Variants in TNRC6B observed in about 807,000 individuals in gnomAD.
TNRC6B encodes trinucleotide repeat containing adaptor 6B, also known as trinucleotide repeat-containing gene 6B protein.
Under a neutral mutation model 203.6 loss-of-function variants are expected in TNRC6B, and 52 were observed. The ratio of observed to expected loss-of-function variants is 0.26; its 90% CI spans 0.20 to 0.32. The LOEUF is 0.32. TNRC6B is among the 10% of genes least tolerant of loss of function. The probability of loss-of-function intolerance (pLI) is 1.00; values close to 1 mark genes in which losing one functional copy is unlikely to be tolerated. For missense variants in TNRC6B, 1,923 were observed against 2,286.2 expected, an observed-to-expected ratio of 0.84 and a Z score of 3.24; for synonymous variants, 838 against 845.7, an observed-to-expected ratio of 0.99 and a Z score of 0.16.
At position 40,265,415 on chromosome 22, in the gene TNRC6B, C is replaced by T. The variant is rs1331711695; in HGVS notation, c.1185C>T (p.Pro395=). 1 of 1,614,050 alleles carries T rather than the reference C, an allele frequency of 6.2e-7. No homozygotes were observed. Among genetic ancestry groups the T allele is most frequent in the Non-Finnish European group, 8.5e-7 (1 of 1,179,898 alleles). Residue 395 remains proline, a synonymous_variant, in exon 5 of 23, where the codon CCC becomes CCT. Coordinates refer to ENST00000454349, the MANE Select transcript of TNRC6B (RefSeq NM_001162501.2). Reference sequence around the variant, plus strand: ...ACCCCATGGAGAATAAGGGAATGCCCTTTGGAATGGGCTTGGGGAACACCT... The same window carrying T: ...ACCCCATGGAGAATAAGGGAATGCCTTTTGGAATGGGCTTGGGGAACACCT... ...SPNPMENKGM[P]FGMGLGNTSR...
At chr22:40,279,519 A>G (rs2070696483) in intron 9 of TNRC6B, among the ~76,000 whole-genome samples, 1 of 152,214 alleles carries the variant, frequency 6.6e-6, no homozygotes, top group African/African-American at 2.4e-5. Flanking sequence ...TTTTAGGGCA[A>G]CCACTGTGCC....
At chr22:40,072,861 CAAAAAAAA>C (rs767881898) in intron 1 of TNRC6B, among the ~76,000 whole-genome samples, 2 of 46,518 alleles carry the variant, frequency 4.3e-5, no homozygotes, top group African/African-American at 1.2e-4. Flanking sequence ...GAGATTCTCT[CAAAAAAAA>C]AAAAAAAAAA....
intron 1 of TNRC6B, among the ~76,000 whole-genome samples, chr22:40,239,678 G>T (rs1000862155): frequency 6.6e-6 from 1 of 152,180 alleles, no homozygotes; most frequent in African/African-American, 2.4e-5. Context: ...CTTTCCCTTT[G>T]CATGGTCTCG....
chr22:40,196,511 G>C (rs947198900), intron 1 of TNRC6B, among the ~76,000 whole-genome samples: 4 of 152,048 alleles, frequency 2.6e-5, no homozygotes, highest in Non-Finnish European at 1.5e-5. Context: ...GGACTTGTTG[G>C]CACCTTTATT....
chr22:40,190,795 C>T (rs1306189704), intron 1 of TNRC6B, among the ~76,000 whole-genome samples: 1 of 152,192 alleles, frequency 6.6e-6, no homozygotes, highest in African/African-American at 2.4e-5. Flanking sequence ...TTATGGTTAG[C>T]TGTGTCGGGT....
At chr22:40,050,446 TAAGGC>T (rs2067735229) in intron 1 of TNRC6B, among the ~76,000 whole-genome samples, 1 of 152,158 alleles carries the variant, frequency 6.6e-6, no homozygotes. Context: ...TTTCCGGCCT[TAAGGC>T]TTTTGTTTTT....
intron 1 of TNRC6B, among the ~76,000 whole-genome samples, chr22:40,242,179 A>AGT (rs58498001): frequency 0.3 from 45,510 of 149,304 alleles, 6,832 homozygotes; most frequent in South Asian, 0.36. Flanking sequence ...AGGGAATAAG[A>AGT]GTGTGTGTGT....
chr22:40,290,171 C>T (rs1040549100), intron 12 of TNRC6B, among the ~76,000 whole-genome samples: 5 of 152,318 alleles, frequency 3.3e-5, no homozygotes, highest in Middle Eastern at 3.4e-3. Flanking sequence ...GTGTGATAGC[C>T]GTCAGCCACA....
Position 40,262,071 on chromosome 22 carries a change from G to T in TNRC6B, c.355G>T (p.Gly119Trp). ...QPPPPSCMLL[G>W]GGAGPPPCTA... is the part of the protein sequence containing the mutation. The stretch of plus-strand genomic sequence containing the variant: ...CCCTCCACCGTCCTGCATGCTCCTT[G>T]GGGGTGGGGCAGGGCCTCCTCCCTG... Residue 119 changes from glycine to tryptophan, a missense_variant, in exon 4 of 23, where the codon GGG becomes TGG. Gly to Trp is a radical substitution (Grantham distance 184, BLOSUM62 -2). Transcript: ENST00000454349. The T allele has an allele frequency of 6.3e-7, 1 of 1,580,786 alleles. No homozygotes were observed. The highest frequency in any genetic ancestry group is 8.6e-7 in the Non-Finnish European group (1 of 1,156,490).
chr22:40,143,290 G>T (rs1468503803), intron 3 of TNRC6B, among the ~76,000 whole-genome samples: 1 of 152,034 alleles, frequency 6.6e-6, no homozygotes, highest in East Asian at 1.9e-4. Context: ...AAAATTAGTT[G>T]GGTGTGGTGA....
intron 1 of TNRC6B, among the ~76,000 whole-genome samples, chr22:40,098,341 C>T (rs1172922092): frequency 6.5e-5 from 9 of 139,428 alleles, no homozygotes; most frequent in East Asian, 2.1e-4. Context: ...GCCAAAACTG[C>T]GCCATTGCAC....
At chr22:40,106,829 C>T in intron 1 of TNRC6B, 1 of 1,140,806 alleles carries the variant, frequency 8.8e-7, no homozygotes, top group Non-Finnish European at 1.3e-6. Context: ...ATAGAAGTTG[C>T]CAGCTTTTCT....
chr22:40,144,848 TC>T (rs1421562022), intron 3 of TNRC6B, among the ~76,000 whole-genome samples: 1 of 151,988 alleles, frequency 6.6e-6, no homozygotes, highest in African/African-American at 2.4e-5. Context: ...AGGGCGATCT[TC>T]AAGGGAAGGG....
chr22:40,276,471 A>G (rs962871796), intron 7 of TNRC6B, among the ~76,000 whole-genome samples: 2 of 152,188 alleles, frequency 1.3e-5, no homozygotes, highest in African/African-American at 4.8e-5. Context: ...AGTGGAGCTC[A>G]TGGTCAGTGC....
intron 1 of TNRC6B, among the ~76,000 whole-genome samples, chr22:40,180,413 TC>T (rs2069116806): frequency 1.3e-5 from 2 of 152,218 alleles, no homozygotes; most frequent in Non-Finnish European, 2.9e-5. Context: ...GTACCTGCTG[TC>T]TTAGGCAGAA....
rs534054514 is a variant in TNRC6B, at chr22:40,324,712, T to C, written c.*1471T>C. On this transcript the variant is annotated 3_prime_UTR_variant, in exon 23 of 23. Coordinates refer to ENST00000454349, the MANE Select transcript of TNRC6B (RefSeq NM_001162501.2). The stretch of plus-strand genomic sequence containing the variant: ...AGTGTGTACTTCAAGCGTTTCCTTT[T>C]GTTTCTCTGTGTTGTGTATTTCCTG... 2.0e-5 allele frequency: 3 copies of C among 152,762 alleles called. 1 individual carries two copies. In the South Asian group the frequency reaches 6.2e-4, roughly 32 times the overall value. The allele number at this position is 152,762 out of a possible 1,614,324, so 9.5% of individuals were successfully genotyped here.
chr22:40,228,933 G>T (rs1289680793), intron 1 of TNRC6B, among the ~76,000 whole-genome samples: 2 of 152,112 alleles, frequency 1.3e-5, no homozygotes, highest in Non-Finnish European at 2.9e-5. Context: ...AGTACTTTCA[G>T]GAGTAAAATG....
At chr22:40,143,785 T>C (rs557945271) in intron 3 of TNRC6B, among the ~76,000 whole-genome samples, 76 of 152,350 alleles carry the variant, frequency 5.0e-4, no homozygotes, top group South Asian at 1.0e-3. Flanking sequence ...CGTGAGCCAC[T>C]GTGCCCGGCC....
intron 2 of TNRC6B, among the ~76,000 whole-genome samples, chr22:40,249,886 A>G (rs1369830237): frequency 6.6e-6 from 1 of 152,232 alleles, no homozygotes; most frequent in East Asian, 1.9e-4. Flanking sequence ...TAATAGAATT[A>G]GCTTGTCATT....
Sources: gnomAD v4.1 joint callset for allele counts (sites outside exome capture counted in the v4.1 genomes callset) on GRCh38, gnomAD v4.1.1 for gene constraint, MANE v1.5 for transcripts, NCBI Gene and HGNC (gene_info 2026-07-23, HGNC 2026-07-21) for gene names.